Variants in MCF2L observed in about 807,000 individuals in gnomAD.
MCF2L encodes MCF.2 cell line derived transforming sequence like.
Under a neutral mutation model 153.4 loss-of-function variants are expected in MCF2L, and 97 were observed. That is an observed-to-expected ratio of 0.63 (90% CI 0.54 to 0.75). The LOEUF (loss-of-function observed/expected upper bound fraction) is 0.75. Ranked by LOEUF, MCF2L falls within the 30% of genes least tolerant of loss-of-function variation. The pLI is 0.00. For missense variants in MCF2L, 1,347 were observed against 1,495.2 expected, an observed-to-expected ratio of 0.90 and a Z score of 1.64; for synonymous variants, 659 against 632.2, an observed-to-expected ratio of 1.04 and a Z score of -0.64.
chr13:113,093,388 G>A (rs1022259135), intron 26 of MCF2L, among the ~76,000 whole-genome samples: 3 of 152,368 alleles, frequency 2.0e-5, no homozygotes, highest in East Asian at 1.9e-4. Flanking sequence ...GAGCAGCCCC[G>A]TGCTCTGCTG....
At chr13:112,959,440 G>A (rs1594384819) in intron 2 of MCF2L, among the ~76,000 whole-genome samples, 1 of 152,040 alleles carries the variant, frequency 6.6e-6, no homozygotes, top group East Asian at 1.9e-4. Flanking sequence ...GGTGTTTAGG[G>A]GTTTCCTCTC....
intron 1 of MCF2L, among the ~76,000 whole-genome samples, chr13:113,011,635 GGTGGACAGGCA>G (rs2084116037): frequency 9.1e-6 from 1 of 110,184 alleles, no homozygotes. Flanking sequence ...TGGTGTGGAC[GGTGGACAGGCA>G]GTGTGGACGG....
At chr13:113,091,675 G>A (rs55812543) in intron 26 of MCF2L, among the ~76,000 whole-genome samples, 5,426 of 151,938 alleles carry the variant, frequency 0.036, 143 homozygotes, top group Middle Eastern at 0.061. Context: ...TGTCCGACCC[G>A]GACCCTCCTT....
chr13:113,021,753 C>A (rs2084899525), intron 2 of MCF2L, among the ~76,000 whole-genome samples: 1 of 152,204 alleles, frequency 6.6e-6, no homozygotes, highest in South Asian at 2.1e-4. Flanking sequence ...TCATAACCTG[C>A]AGGTACTGGG....
upstream of MCF2L, chr13:112,966,124 C>G (rs79894662): frequency 1.3e-5 from 2 of 152,244 alleles, no homozygotes; most frequent in South Asian, 2.1e-4. The surrounding 1 kb of genome is among the most constrained non-coding windows in gnomAD (Gnocchi z 4.1). Context: ...CTGGCAGGTA[C>G]CTGGAGCGCC....
At chr13:113,090,618 T>G (rs1345154408) in intron 26 of MCF2L, 3 of 985,340 alleles carry the variant, frequency 3.0e-6, no homozygotes, top group Non-Finnish European at 3.6e-6. Flanking sequence ...CCTGCTCACC[T>G]GCGAGAGCTC....
At chr13:113,001,100 C>T (rs1277812688) in intron 1 of MCF2L, among the ~76,000 whole-genome samples, 1 of 152,124 alleles carries the variant, frequency 6.6e-6, no homozygotes, top group Non-Finnish European at 1.5e-5. Flanking sequence ...CTGTGGGACT[C>T]CCACCCAGGG....
chr13:113,089,180 C>A (rs868112082), intron 25 of MCF2L, among the ~76,000 whole-genome samples: 2 of 116,656 alleles, frequency 1.7e-5, no homozygotes, highest in African/African-American at 3.3e-5. Flanking sequence ...CCCCCCCCCC[C>A]GCCCCCCGAA....
intron 4 of MCF2L, among the ~76,000 whole-genome samples, chr13:113,058,830 G>A (rs997441809): frequency 7.3e-5 from 11 of 150,702 alleles, no homozygotes; most frequent in South Asian, 4.2e-4. Flanking sequence ...GTGTTTGGGC[G>A]CTGAGTGTTT....
chr13:113,088,527 C>T lies in MCF2L; in HGVS notation c.2768-35C>T, dbSNP rs749343035. 23 of 1,611,322 alleles carry T rather than the reference C, an allele frequency of 1.4e-5. No individual in the cohort carries two copies. The South Asian group carries it at 2.5e-4, about 18-fold the overall frequency. ...GTGCCTCGGCGTTGAAGTAAAGACG[C>T]TCGTTCACGTGGTTTGTCTGCTCCC... is the stretch of plus-strand genomic sequence containing the variant. On this transcript the variant is annotated intron_variant, in intron 24 of 29. Coordinates refer to ENST00000535094, the MANE Select transcript of MCF2L (RefSeq NM_001112732.3).
At chr13:113,003,004 TAAAAAAA>T (rs11329462) in intron 1 of MCF2L, among the ~76,000 whole-genome samples, 2 of 142,932 alleles carry the variant, frequency 1.4e-5, no homozygotes, top group South Asian at 2.3e-4. Context: ...CCTCATCTGT[TAAAAAAA>T]AAAAAAAAAA....
intron 2 of MCF2L, among the ~76,000 whole-genome samples, chr13:113,019,973 C>T (rs1424641462): frequency 6.6e-6 from 1 of 152,156 alleles, no homozygotes. Flanking sequence ...TTTGTTACGG[C>T]CGCCCAGACA....
intron 2 of MCF2L, among the ~76,000 whole-genome samples, chr13:112,933,060 A>G (rs1459288524): frequency 6.6e-6 from 1 of 152,116 alleles, no homozygotes; most frequent in East Asian, 1.9e-4. Flanking sequence ...ATAAATAAAC[A>G]TGAAGGAAGG....
In MCF2L at chr13:113,081,241, G is replaced by A. The variant is rs1391793357; in HGVS notation, c.1837G>A (p.Glu613Lys). The A allele has an allele frequency of 1.9e-6, 3 of 1,593,384 alleles. No homozygotes were observed. The highest frequency in any genetic ancestry group is 2.6e-6 in the Non-Finnish European group (3 of 1,171,086). Residue 613 changes from glutamate to lysine, a missense_variant, in exon 16 of 30, where the codon GAA becomes AAA. Transcript: ENST00000535094. ...RHVMSELLDTERAYVEELLCV... is the reference protein window; with the variant it reads ...RHVMSELLDTKRAYVEELLCV... ...CGTGATGAGCGAGCTCCTGGACACA[G>A]AACGGGCCTACGTGGAGGAGCTGCT...
At chr13:113,087,524 C>G in intron 22 of MCF2L, 68 bp downstream of exon 22, 2 of 1,374,080 alleles carry the variant, frequency 1.5e-6, no homozygotes, top group Non-Finnish European at 2.0e-6. Flanking sequence ...GTCTGTAACT[C>G]GGTCTGAGGT....
At chr13:112,914,008 C>T (rs917365660) in intron 2 of MCF2L, among the ~76,000 whole-genome samples, 5 of 152,150 alleles carry the variant, frequency 3.3e-5, no homozygotes, top group Non-Finnish European at 5.9e-5. Flanking sequence ...GACGTAATTC[C>T]CCGTTAGCAT....
In MCF2L at chr13:113,070,659, C is replaced by A. The variant is rs1445089846; in HGVS notation, c.996+486C>A. Among the ~76,000 whole-genome samples, 1 of 152,228 alleles carries A rather than the reference C, an allele frequency of 6.6e-6. No homozygotes were observed. Among genetic ancestry groups the A allele is most frequent in the Non-Finnish European group, 1.5e-5 (1 of 68,040 alleles). On this transcript the variant is annotated intron_variant, in intron 9 of 29. Transcript: ENST00000535094. This position sits in a 1 kb window ranked among gnomAD's most constrained non-coding sequence, Gnocchi z 5.6. ...GCCCCCGGCAACCACTCATCTGTTT[C>A]CGTGGCTGTGCTTTTGCCATTTCAA...
chr13:113,096,827 G>C lies in MCF2L; in HGVS notation c.3346G>C (p.Gly1116Arg), dbSNP rs776524527. 7.9e-6 allele frequency: 12 copies of C among 1,526,414 alleles called. No individual in the cohort carries two copies. In the East Asian group the frequency reaches 1.3e-4, roughly 16 times the overall value. The allele number at this position is 1,526,414 out of a possible 1,614,324, so 94.6% of individuals were successfully genotyped here. A position where few individuals can be genotyped will look rare whatever the true frequency, so the allele number is the denominator to read the frequency against. The change falls in exon 30 of 30, where the codon GGC becomes CGC. Residue 1116 changes from glycine to arginine, a missense_variant. Gly to Arg is a moderately radical substitution (Grantham distance 125). Around this residue, in one of 3 missense-constraint regions of MCF2L, gnomAD observed 383 missense variants for 335.4 expected, o/e 1.14. Coordinates refer to ENST00000535094, the MANE Select transcript of MCF2L (RefSeq NM_001112732.3). The part of the protein sequence containing the change: ...LSNSSSCSEG[G>R]QAPFSDLQG ...CAACTCGTCCAGCTGCAGCGAGGGC[G>C]GCCAGGCCCCCTTCTCCGACCTGCA...
At chr13:112,918,696 G>A (rs1262676612) in intron 2 of MCF2L, among the ~76,000 whole-genome samples, 3 of 152,198 alleles carry the variant, frequency 2.0e-5, no homozygotes, top group African/African-American at 7.2e-5. Flanking sequence ...TGTCTCCTGG[G>A]AGGTGCTGTG....
Sources: gnomAD v4.1 joint callset for allele counts (sites outside exome capture counted in the v4.1 genomes callset) on GRCh38, gnomAD v4.1.1 for gene constraint, gnomAD v4.1.1 regional missense constraint, Gnocchi (gnomAD v3.1) non-coding constraint, MANE v1.5 for transcripts, NCBI Gene and HGNC (gene_info 2026-07-23, HGNC 2026-07-21) for gene names.